The following YBEY variants were observed in gnomAD, a reference collection of about 807,000 sequenced individuals.
YBEY encodes ybeY metalloendoribonuclease, also known as endoribonuclease YbeY.
A neutral mutation model predicts 13.5 loss-of-function variants in YBEY; 15 were observed. The ratio of observed to expected loss-of-function variants is 1.11; its 90% CI spans 0.75 to 1.72. The LOEUF is 1.72. Among genes scored for constraint, YBEY ranks in the 40% most tolerant of loss-of-function variants. The pLI, the probability that YBEY is intolerant of heterozygous loss-of-function variation, is 0.00. For missense variants in YBEY, 244 were observed against 208.4 expected, an observed-to-expected ratio of 1.17 and a Z score of -1.05; for synonymous variants, 101 against 83.1, an observed-to-expected ratio of 1.21 and a Z score of -1.17.
At chr21:46,298,802 G>GT (rs1020788392), downstream of YBEY, among the ~76,000 whole-genome samples, 10 of 151,502 alleles carry the variant, frequency 6.6e-5, no homozygotes, top group African/African-American at 2.4e-4. Flanking sequence ...TCGGCTCACT[G>GT]TAACCTCTGC....
At chr21:46,294,863 T>C (rs1174543978) in intron 3 of YBEY, among the ~76,000 whole-genome samples, 1 of 152,190 alleles carries the variant, frequency 6.6e-6, no homozygotes, top group Non-Finnish European at 1.5e-5. Context: ...GAATCGCCCT[T>C]GTGGATCCAA....
At chr21:46,297,484 G>C (rs1330609015) in intron 4 of YBEY, 55 bp from the exon 5 acceptor site, 1 of 1,322,304 alleles carries the variant, frequency 7.6e-7, no homozygotes, top group African/African-American at 1.5e-5. Flanking sequence ...CGACCCCAGA[G>C]AGTGGGGCGC....
chr21:46,287,032 T>A lies in YBEY; in HGVS notation c.119T>A (p.Ile40Asn). ...LGVQKFDLGI[I>N]CVDNKNIQHI... ...GTGCAGAAATTTGACCTGGGGATCATCTGTGTTGACAACAAGAATATTCAG... is the reference window on the plus strand; with the variant it reads ...GTGCAGAAATTTGACCTGGGGATCAACTGTGTTGACAACAAGAATATTCAG... The change falls in exon 2 of 5, where the codon ATC becomes AAC. Residue 40 changes from isoleucine to asparagine, a missense_variant. Physicochemically the swap from Ile to Asn is moderately radical, Grantham distance 149. Coordinates refer to ENST00000397701, the MANE Select transcript of YBEY (RefSeq NM_001314025.2). The A allele has an allele frequency of 6.2e-7, 1 of 1,614,096 alleles. No individual in the cohort carries two copies. Among genetic ancestry groups the A allele is most frequent in the South Asian group, 1.1e-5 (1 of 91,080 alleles).
rs200394865 is a variant in YBEY, at chr21:46,297,623, G to A, written c.493G>A (p.Gly165Arg). The A allele has an allele frequency of 1.4e-3, 1,893 of 1,344,768 alleles. 3 individuals are homozygous for A. The highest frequency in any genetic ancestry group is 2.0e-3 in the Admixed American group (59 of 29,790). The allele number at this position is 1,344,768 out of a possible 1,614,324, so 83.3% of individuals were successfully genotyped here. Residue 165 changes from glycine (G) to arginine (R), a missense_variant, in exon 5 of 5, where the codon GGA becomes AGA. By Grantham distance (125) the Gly-to-Arg change is moderately radical (BLOSUM62 -2). Coordinates refer to ENST00000397701, the MANE Select transcript of YBEY (RefSeq NM_001314025.2). ...GCAGCCCCTGACCCGGGGCCTCTTC[G>A]GAGGGAGCTGAGGGCCGCGTTCCTT... is the stretch of plus-strand genomic sequence containing the variant. ...RLQPLTRGLF[G>R]GS
the YBEY span, among the ~76,000 whole-genome samples, chr21:46,303,238 C>G: frequency 6.6e-6 from 1 of 152,096 alleles, no homozygotes; most frequent in Non-Finnish European, 1.5e-5. Context: ...ACTCAGGAGG[C>G]TGAGGCAGGA....
chr21:46,312,974 T>C, the YBEY span: 7 of 985,238 alleles, frequency 7.1e-6, 1 homozygote, highest in Non-Finnish European at 2.4e-6. Context: ...TATTCGAGCA[T>C]GAAAGGCCTT....
At chr21:46,298,132 C>A (rs1234616267), downstream of YBEY, among the ~76,000 whole-genome samples, 1 of 152,240 alleles carries the variant, frequency 6.6e-6, no homozygotes, top group Admixed American at 6.5e-5. Context: ...GCCAGGGCCA[C>A]GGCGAGGCCG....
chr21:46,304,259 T>G, the YBEY span, among the ~76,000 whole-genome samples: 1 of 152,038 alleles, frequency 6.6e-6, no homozygotes, highest in Admixed American at 6.6e-5. Context: ...CTGGAACTCC[T>G]GACCTCATGA....
chr21:46,303,957 T>G, the YBEY span, among the ~76,000 whole-genome samples: 1 of 146,184 alleles, frequency 6.8e-6, no homozygotes, highest in African/African-American at 2.5e-5. Context: ...TTCACCGTGT[T>G]AGCCAGGATG....
chr21:46,305,821 A>T, the YBEY span, among the ~76,000 whole-genome samples: 1 of 152,206 alleles, frequency 6.6e-6, no homozygotes, highest in Non-Finnish European at 1.5e-5. Context: ...GGGCACATGT[A>T]GACCCAGCTA....
At chr21:46,301,326 T>C (rs2082099263), downstream of YBEY, 1 of 334,520 alleles carries the variant, frequency 3.0e-6, no homozygotes, top group Non-Finnish European at 4.2e-6. Context: ...AATTTATTTT[T>C]TGTAGAGACG....
At chr21:46,304,020 G>GTTT in the YBEY span, among the ~76,000 whole-genome samples, 27 of 44,604 alleles carry the variant, frequency 6.1e-4, no homozygotes, top group African/African-American at 9.7e-4. Context: ...CAAAGTGCTG[G>GTTT]TTTTTTTTTT....
chr21:46,294,982 G>T (rs1194575171), intron 3 of YBEY, among the ~76,000 whole-genome samples: 1 of 152,132 alleles, frequency 6.6e-6, no homozygotes, highest in Non-Finnish European at 1.5e-5. Flanking sequence ...ACCTGGGTGG[G>T]ACTTGCCCGC....
the YBEY span, chr21:46,311,530 G>A: frequency 4.3e-6 from 7 of 1,612,142 alleles, no homozygotes; most frequent in Non-Finnish European, 5.9e-6. Flanking sequence ...TGGCTGCTGA[G>A]GGAGCTGCTG....
intron 3 of YBEY, among the ~76,000 whole-genome samples, chr21:46,295,942 A>AATCC (rs2081939255): frequency 6.6e-6 from 1 of 151,798 alleles, no homozygotes; most frequent in African/African-American, 2.4e-5. Context: ...CCCAGACAGC[A>AATCC]ATCCACGTTG....
chr21:46,291,731 T>C (rs896999886), intron 3 of YBEY: 1 of 1,201,834 alleles, frequency 8.3e-7, no homozygotes, highest in East Asian at 5.0e-5. Flanking sequence ...TAGAGCAGAC[T>C]ATGTTGAGCT....
the YBEY span, among the ~76,000 whole-genome samples, chr21:46,307,164 G>A: frequency 2.0e-5 from 3 of 151,940 alleles, no homozygotes; most frequent in Admixed American, 6.6e-5. Context: ...CCAAAGTGCT[G>A]GGATTACAGG....
intron 3 of YBEY, among the ~76,000 whole-genome samples, chr21:46,294,594 T>C: frequency 1.0e-5 from 1 of 100,000 alleles, no homozygotes; most frequent in African/African-American, 4.2e-5. Flanking sequence ...GCGGTTAGCC[T>C]GACCCGTGCC....
downstream of YBEY, chr21:46,302,013 G>T: frequency 6.5e-7 from 1 of 1,532,396 alleles, no homozygotes; most frequent in South Asian, 1.2e-5. Context: ...GGTGGGCCAG[G>T]CGTCCACAGG....
Sources: allele counts gnomAD v4.1 joint callset (sites outside exome capture counted in the v4.1 genomes callset), GRCh38; gene constraint gnomAD v4.1.1; transcripts MANE v1.5; gene names NCBI Gene and HGNC (gene_info 2026-07-23, HGNC 2026-07-21).